The following NAALADL2 variants were observed in gnomAD, a reference collection of about 807,000 sequenced individuals.
The protein encoded by NAALADL2 is N-acetylated alpha-linked acidic dipeptidase like 2, also known as inactive N-acetylated-alpha-linked acidic dipeptidase-like protein 2.
NAALADL2 carries 76 observed loss-of-function variants against 87.2 expected under a neutral mutation model. The ratio of observed to expected loss-of-function variants is 0.87; its 90% CI spans 0.72 to 1.05. The LOEUF (loss-of-function observed/expected upper bound fraction) is 1.05, where lower values mean the gene tolerates loss of function less well. NAALADL2 is among the 50% of genes least tolerant of loss of function. NAALADL2 has a pLI of 0.00. For missense variants in NAALADL2, 1,089 were observed against 945.8 expected (o/e 1.15, Z -1.99); for synonymous variants, 354 against 331.0 (o/e 1.07, Z -0.75).
intron 2 of NAALADL2, among the ~76,000 whole-genome samples, chr3:174,586,868 T>C (rs777364484): frequency 9.9e-5 from 15 of 152,128 alleles, no homozygotes; most frequent in Non-Finnish European, 2.1e-4. Flanking sequence ...AGTTATAGGG[T>C]ACATGTGCAC....
intron 2 of NAALADL2, among the ~76,000 whole-genome samples, chr3:175,196,660 C>G (rs940770335): frequency 2.6e-5 from 4 of 151,890 alleles, no homozygotes; most frequent in African/African-American, 9.7e-5. Context: ...TAATCTTGCA[C>G]CCACGTAAAA....
chr3:175,522,980 C>T (rs540969170), intron 9 of NAALADL2, among the ~76,000 whole-genome samples: 9 of 152,228 alleles, frequency 5.9e-5, no homozygotes, highest in Admixed American at 2.6e-4. Context: ...TTCCTTTAAA[C>T]GAGAAGTTCT....
chr3:174,851,380 A>G (rs1047874460), intron 3 of NAALADL2, among the ~76,000 whole-genome samples: 5 of 151,146 alleles, frequency 3.3e-5, no homozygotes, highest in African/African-American at 1.2e-4. Flanking sequence ...AAAAAAAAAA[A>G]AATCAGAGAG....
chr3:175,367,799 A>C (rs1765839689), intron 5 of NAALADL2, among the ~76,000 whole-genome samples: 1 of 152,192 alleles, frequency 6.6e-6, no homozygotes, highest in Non-Finnish European at 1.5e-5. Context: ...TGTTGTCTGC[A>C]AACAGGGACA....
chr3:174,985,829 G>A (rs1745787754), intron 1 of NAALADL2, among the ~76,000 whole-genome samples: 1 of 152,034 alleles, frequency 6.6e-6, no homozygotes, highest in Admixed American at 6.6e-5. Flanking sequence ...GTGCATGCCT[G>A]TAATCCCAGC....
intron 2 of NAALADL2, among the ~76,000 whole-genome samples, chr3:175,182,159 A>AT (rs1190947258): frequency 6.6e-6 from 1 of 151,838 alleles, no homozygotes; most frequent in Non-Finnish European, 1.5e-5. Flanking sequence ...GATATTGAGA[A>AT]TTTTTTCACT....
chr3:174,930,326 C>T (rs1736679445), intron 1 of NAALADL2, among the ~76,000 whole-genome samples: 1 of 151,882 alleles, frequency 6.6e-6, no homozygotes, highest in Non-Finnish European at 1.5e-5. Flanking sequence ...GTAATATACA[C>T]TTAGTTTAGC....
At chr3:175,334,597 T>G (rs956000497) in intron 5 of NAALADL2, among the ~76,000 whole-genome samples, 1 of 152,184 alleles carries the variant, frequency 6.6e-6, no homozygotes, top group Non-Finnish European at 1.5e-5. Context: ...TTACATAAAA[T>G]GCAGCATACT....
intron 2 of NAALADL2, among the ~76,000 whole-genome samples, chr3:174,607,105 C>A (rs1056247743): frequency 6.6e-6 from 1 of 152,008 alleles, no homozygotes; most frequent in Non-Finnish European, 1.5e-5. Flanking sequence ...CCTTTACAGA[C>A]AAGCAAATGC....
chr3:174,899,523 C>G (rs577263680), intron 1 of NAALADL2, among the ~76,000 whole-genome samples: 1 of 152,144 alleles, frequency 6.6e-6, no homozygotes, highest in Non-Finnish European at 1.5e-5. Context: ...CTCTCTCTTG[C>G]TTCTGCTCTG....
At chr3:175,795,243 G>T (rs1181460162) in intron 13 of NAALADL2, among the ~76,000 whole-genome samples, 1 of 152,164 alleles carries the variant, frequency 6.6e-6, no homozygotes, top group Non-Finnish European at 1.5e-5. Flanking sequence ...GTCACTCTGT[G>T]AACAGATTTT....
rs578226767 is a variant in NAALADL2, at chr3:175,087,395, C to G, written c.44-9395C>G. Among the ~76,000 whole-genome samples, 1,395 of 152,260 alleles carry G rather than the reference C, an allele frequency of 9.2e-3. 26 individuals carry two copies. Among genetic ancestry groups the G allele is most frequent in the Non-Finnish European group, 0.012 (785 of 68,018 alleles). On this transcript the variant is annotated intron_variant, in intron 1 of 13. Transcript: ENST00000454872. ...GAGCGCCTCTGCCCGGCCGCCACCCCGTCTGGGAGGTGTACCCAACGGCTC... is the reference window on the plus strand; with the variant it reads ...GAGCGCCTCTGCCCGGCCGCCACCCGGTCTGGGAGGTGTACCCAACGGCTC...
chr3:175,022,001 T>C (rs2108867272), intron 1 of NAALADL2, among the ~76,000 whole-genome samples: 1 of 152,100 alleles, frequency 6.6e-6, no homozygotes, highest in South Asian at 2.1e-4. Flanking sequence ...AACGAGTGAA[T>C]TTTTACTCTA....
intron 3 of NAALADL2, among the ~76,000 whole-genome samples, chr3:174,852,711 A>C (rs1359907176): frequency 1.3e-5 from 2 of 152,050 alleles, no homozygotes; most frequent in African/African-American, 4.8e-5. Context: ...TGGAAAAAAC[A>C]ATCCTAAAAT....
At chr3:175,218,164 C>A in intron 2 of NAALADL2, 1 of 423,906 alleles carries the variant, frequency 2.4e-6, no homozygotes, top group African/African-American at 2.0e-5. Context: ...CTCTAAGAAG[C>A]ACAATAATCT....
chr3:174,996,891 G>T (rs1215767915), intron 1 of NAALADL2, among the ~76,000 whole-genome samples: 1 of 151,550 alleles, frequency 6.6e-6, no homozygotes, highest in South Asian at 2.1e-4. Flanking sequence ...TACAATATTT[G>T]GTTTTCCATT....
At chr3:174,837,387 A>G (rs889351316) in intron 3 of NAALADL2, among the ~76,000 whole-genome samples, 3 of 152,230 alleles carry the variant, frequency 2.0e-5, no homozygotes, top group African/African-American at 7.2e-5. Flanking sequence ...AAACTGGAAT[A>G]CCTAAAGGAG....
intron 1 of NAALADL2, among the ~76,000 whole-genome samples, chr3:174,493,657 A>G (rs1460411340): frequency 6.6e-6 from 1 of 152,220 alleles, no homozygotes; most frequent in Non-Finnish European, 1.5e-5. Context: ...AGGCCTAGAA[A>G]GTAAAAGGGA....
chr3:175,327,718 T>G (rs200056648), intron 5 of NAALADL2, among the ~76,000 whole-genome samples: 1 of 151,774 alleles, frequency 6.6e-6, no homozygotes, highest in African/African-American at 2.4e-5. Flanking sequence ...GATAAATAAA[T>G]GGGGGGAAGT....
Sources: gnomAD v4.1 joint callset for allele counts (sites outside exome capture counted in the v4.1 genomes callset) on GRCh38, gnomAD v4.1.1 for gene constraint, MANE v1.5 for transcripts, NCBI Gene and HGNC (gene_info 2026-07-23, HGNC 2026-07-21) for gene names.